Variants in CSMD3 observed in about 807,000 individuals in gnomAD.
CSMD3 encodes the protein CUB and Sushi multiple domains 3.
Under a neutral mutation model 435.2 loss-of-function variants are expected in CSMD3, and 177 were observed. The ratio of observed to expected loss-of-function variants is 0.41; its 90% CI spans 0.36 to 0.46. The LOEUF (loss-of-function observed/expected upper bound fraction) is 0.46, where lower values mean the gene tolerates loss of function less well. Ranked by LOEUF, CSMD3 falls within the 20% of genes least tolerant of loss-of-function variation. The pLI is 0.34. For missense variants in CSMD3, 4,265 were observed against 4,504.6 expected (o/e 0.95, Z 1.52); for synonymous variants, 1,656 against 1,520.5 (o/e 1.09, Z -2.07).
chr8:112,411,222 T>A (rs1811306815), intron 32 of CSMD3, among the ~76,000 whole-genome samples: 1 of 151,454 alleles, frequency 6.6e-6, no homozygotes, highest in South Asian at 2.1e-4. Flanking sequence ...GTTGAGACTA[T>A]AACTGTTAAT....
chr8:113,161,571 T>A (rs1233183683), intron 4 of CSMD3, among the ~76,000 whole-genome samples: 1 of 152,100 alleles, frequency 6.6e-6, no homozygotes, highest in East Asian at 1.9e-4. Context: ...CATAACTTTT[T>A]GTGGTCTGCC....
chr8:113,332,453 G>T (rs2094035499), intron 1 of CSMD3, among the ~76,000 whole-genome samples: 2 of 151,400 alleles, frequency 1.3e-5, no homozygotes, highest in Non-Finnish European at 3.0e-5. Context: ...CTAAATATCA[G>T]TGAACAAAAA....
At chr8:112,915,715 A>G (rs943381261) in intron 10 of CSMD3, among the ~76,000 whole-genome samples, 3 of 151,856 alleles carry the variant, frequency 2.0e-5, no homozygotes, top group Non-Finnish European at 4.4e-5. Context: ...AAGCAGTTTT[A>G]CAATCAATAA....
intron 13 of CSMD3, among the ~76,000 whole-genome samples, chr8:112,698,830 G>T (rs2076317320): frequency 6.6e-6 from 1 of 152,138 alleles, no homozygotes; most frequent in African/African-American, 2.4e-5. Flanking sequence ...GGGACTTGGA[G>T]AACTTTTCTA....
intron 11 of CSMD3, among the ~76,000 whole-genome samples, chr8:112,836,898 C>A (rs893823887): frequency 2.0e-5 from 3 of 151,808 alleles, no homozygotes; most frequent in African/African-American, 7.2e-5. Context: ...TATTTGGCTA[C>A]TGGTGATGAA....
At chr8:112,439,206 T>C (rs1321157725) in intron 32 of CSMD3, among the ~76,000 whole-genome samples, 1 of 152,146 alleles carries the variant, frequency 6.6e-6, no homozygotes, top group African/African-American at 2.4e-5. Flanking sequence ...AGTGGCACGA[T>C]CTCATCTCAC....
chr8:112,762,204 G>A (rs936180749), intron 13 of CSMD3, among the ~76,000 whole-genome samples: 1 of 151,912 alleles, frequency 6.6e-6, no homozygotes, highest in Non-Finnish European at 1.5e-5. Context: ...TTTTAATTAT[G>A]AGAACGAGGC....
At chr8:113,320,475 C>T (rs1218411859) in intron 1 of CSMD3, among the ~76,000 whole-genome samples, 1 of 152,086 alleles carries the variant, frequency 6.6e-6, no homozygotes, top group African/African-American at 2.4e-5. Flanking sequence ...TTTTTTTGAG[C>T]GTGCTAAGGT....
chr8:112,813,884 G>C (rs570596414), intron 12 of CSMD3, among the ~76,000 whole-genome samples: 1 of 152,268 alleles, frequency 6.6e-6, no homozygotes, highest in South Asian at 2.1e-4. Flanking sequence ...TGAATCCCAC[G>C]TTGCCATCCT....
At chr8:112,769,219 A>G (rs889466309) in intron 13 of CSMD3, among the ~76,000 whole-genome samples, 16 of 151,932 alleles carry the variant, frequency 1.1e-4, no homozygotes, top group Admixed American at 1.1e-3. Context: ...TATATCAGCC[A>G]GAGTGATCTC....
intron 53 of CSMD3, 67 bp from the exon 54 acceptor site, chr8:112,296,073 G>A (rs2130718097): frequency 4.8e-6 from 6 of 1,253,816 alleles, no homozygotes; most frequent in Non-Finnish European, 6.9e-6. Flanking sequence ...TTATATACAT[G>A]TGGAACATGA....
chr8:113,090,504 T>C (rs2131507072), intron 5 of CSMD3, among the ~76,000 whole-genome samples: 1 of 152,312 alleles, frequency 6.6e-6, no homozygotes, highest in Non-Finnish European at 1.5e-5. Context: ...TACAATTTGT[T>C]TCTTTCTACA....
At chr8:112,631,672 T>A (rs553242101) in intron 22 of CSMD3, among the ~76,000 whole-genome samples, 1 of 152,146 alleles carries the variant, frequency 6.6e-6, no homozygotes, top group East Asian at 1.9e-4. Flanking sequence ...TGAACAAATA[T>A]AAGTTAATAT....
chr8:112,467,393 G>A (rs1818065033), intron 32 of CSMD3, among the ~76,000 whole-genome samples: 1 of 152,208 alleles, frequency 6.6e-6, no homozygotes, highest in South Asian at 2.1e-4. Flanking sequence ...AGTCACCATC[G>A]ACTATACTGG....
At chr8:113,383,669 T>C (rs2094427156) in intron 1 of CSMD3, among the ~76,000 whole-genome samples, 1 of 152,188 alleles carries the variant, frequency 6.6e-6, no homozygotes, top group Admixed American at 6.6e-5. Context: ...ATTTTAGGGT[T>C]TTCAGAAAAT....
At chr8:112,274,170 G>A (rs1212716448) in intron 59 of CSMD3, among the ~76,000 whole-genome samples, 1 of 150,112 alleles carries the variant, frequency 6.7e-6, no homozygotes, top group Non-Finnish European at 1.5e-5. Flanking sequence ...GGAGTAACAA[G>A]GAAGAATTTA....
intron 13 of CSMD3, among the ~76,000 whole-genome samples, chr8:112,720,982 C>T (rs1419734546): frequency 2.0e-5 from 3 of 152,110 alleles, no homozygotes; most frequent in Non-Finnish European, 4.4e-5. Flanking sequence ...TCTACAAAAT[C>T]TAGTTCAAGT....
intron 5 of CSMD3, among the ~76,000 whole-genome samples, chr8:113,049,673 C>G (rs2088000761): frequency 6.6e-6 from 1 of 152,050 alleles, no homozygotes; most frequent in African/African-American, 2.4e-5. Context: ...TTGACATTTT[C>G]AATTGTATGG....
chr8:112,442,262 C>T (rs1180144241), intron 32 of CSMD3, among the ~76,000 whole-genome samples: 1 of 152,108 alleles, frequency 6.6e-6, no homozygotes, highest in Non-Finnish European at 1.5e-5. Context: ...ATCCCCATGA[C>T]CCAAACACCT....
Sources: gnomAD v4.1 joint callset for allele counts (sites outside exome capture counted in the v4.1 genomes callset) on GRCh38, gnomAD v4.1.1 for gene constraint, MANE v1.5 for transcripts, NCBI Gene and HGNC (gene_info 2026-07-23, HGNC 2026-07-21) for gene names.